CALN1: variants seen among roughly 807,000 people sequenced by gnomAD.
The protein encoded by CALN1 is calcium-binding protein 8.
A neutral mutation model predicts 30.6 loss-of-function variants in CALN1; 17 were observed. The ratio of observed to expected loss-of-function variants is 0.56; its 90% CI spans 0.38 to 0.83. The LOEUF (loss-of-function observed/expected upper bound fraction) is 0.83. Among genes scored for constraint, CALN1 ranks in the 40% least tolerant of loss-of-function variants. CALN1 has a pLI of 0.00. For synonymous variants in CALN1, 156 were observed against 131.4 expected (o/e 1.19, Z -1.28); for missense variants, 291 against 354.9 (o/e 0.82, Z 1.45).
In CALN1 at chr7:72,226,369, G is replaced by C. The variant is rs1793680290; in HGVS notation, c.244+52317C>G. Among the ~76,000 whole-genome samples the C allele has an allele frequency of 1.3e-5, 2 of 151,458 alleles. 1 individual carries two copies. The highest frequency in any genetic ancestry group is 4.2e-4 in the South Asian group (2 of 4,794). Reference sequence around the variant, plus strand: ...GAGGCTAACTCTGCCTACCTGGCAGGGGTGACATAATGACCCAATGCATAG... The same window carrying C: ...GAGGCTAACTCTGCCTACCTGGCAGCGGTGACATAATGACCCAATGCATAG... On this transcript the variant is annotated intron_variant, in intron 3 of 6. Coordinates refer to ENST00000395275, the MANE Select transcript of CALN1 (RefSeq NM_031468.4).
At chr7:72,365,197 C>T (rs1327449030) in intron 2 of CALN1, among the ~76,000 whole-genome samples, 3 of 151,952 alleles carry the variant, frequency 2.0e-5, no homozygotes, top group Non-Finnish European at 2.9e-5. Context: ...CCCACCTACT[C>T]GGGAGGCTGA....
intron 3 of CALN1, among the ~76,000 whole-genome samples, chr7:72,186,727 G>C (rs574817214): frequency 1.3e-5 from 2 of 152,142 alleles, no homozygotes; most frequent in Admixed American, 6.6e-5. Context: ...TTGTGTGGCT[G>C]CGAAGGACAT....
intron 3 of CALN1, among the ~76,000 whole-genome samples, chr7:72,220,793 G>A (rs528912248): frequency 8.0e-4 from 122 of 152,314 alleles, no homozygotes; most frequent in African/African-American, 2.9e-3. Flanking sequence ...CTGATGGCCA[G>A]TGATGATGAG....
At chr7:71,828,104 G>A (rs1442730772) in intron 5 of CALN1, among the ~76,000 whole-genome samples, 3 of 152,116 alleles carry the variant, frequency 2.0e-5, no homozygotes, top group Non-Finnish European at 4.4e-5. Context: ...TTATAGGTAT[G>A]GTTTTGGAGG....
intron 2 of CALN1, among the ~76,000 whole-genome samples, chr7:72,391,246 T>C (rs796778840): frequency 1.1e-4 from 16 of 152,278 alleles, no homozygotes; most frequent in African/African-American, 3.9e-4. Context: ...AAAGTGAAGC[T>C]GCAGAGGGCT....
At chr7:72,036,200 G>A (rs1801788379) in intron 4 of CALN1, among the ~76,000 whole-genome samples, 2 of 152,158 alleles carry the variant, frequency 1.3e-5, no homozygotes, top group South Asian at 2.1e-4. Context: ...AGTTTCTGGT[G>A]AGAAACATGC....
At chr7:71,891,651 C>T (rs930479406) in intron 5 of CALN1, among the ~76,000 whole-genome samples, 12 of 152,272 alleles carry the variant, frequency 7.9e-5, no homozygotes, top group South Asian at 6.2e-4. Context: ...TAGCATATAA[C>T]AAGTGCTATA....
intron 2 of CALN1, among the ~76,000 whole-genome samples, chr7:72,397,714 T>TCA (rs3138810): frequency 0.068 from 9,763 of 142,812 alleles, 313 homozygotes; most frequent in African/African-American, 0.092. Context: ...CCATTCTCTC[T>TCA]CACACACACA....
chr7:72,480,521 T>G, the CALN1 span, among the ~76,000 whole-genome samples: 1 of 152,182 alleles, frequency 6.6e-6, no homozygotes, highest in Non-Finnish European at 1.5e-5. Flanking sequence ...CTGGGAAATA[T>G]TCTCTCCCTT....
chr7:72,442,190 T>A (rs1284654566), intron 1 of CALN1, among the ~76,000 whole-genome samples: 1 of 152,246 alleles, frequency 6.6e-6, no homozygotes, highest in East Asian at 1.9e-4. Context: ...CTCACCTTGA[T>A]TAAATGTTCA....
rs1361177054 is a variant in CALN1 at position 72,430,594 on chromosome 7, GC to G, written c.-226+16447del. On this transcript the variant is annotated intron_variant, in intron 1 of 6. Coordinates refer to the CALN1 transcript ENST00000395276. Reference sequence around the variant, plus strand: ...AATATTCCCCTCAAGGGGCTTCTCAGCCTGCTCACACACAGGTGAATGTCAG... The same window carrying G: ...AATATTCCCCTCAAGGGGCTTCTCAGCTGCTCACACACAGGTGAATGTCAG... 3.9e-5 allele frequency among the ~76,000 whole-genome samples: 6 copies of G among 152,232 alleles called. No homozygotes were observed. In the East Asian group the frequency reaches 9.7e-4, roughly 25 times the overall value.
chr7:71,910,297 C>T (rs1209113122), intron 5 of CALN1, among the ~76,000 whole-genome samples: 2 of 152,178 alleles, frequency 1.3e-5, no homozygotes, highest in Non-Finnish European at 1.5e-5. Flanking sequence ...CTCTTAAAGG[C>T]TTCCATCCCC....
chr7:72,278,614 T>C (rs1488523828), intron 3 of CALN1, 72 bp downstream of exon 3: 48 of 1,579,036 alleles, frequency 3.0e-5, no homozygotes, highest in South Asian at 4.5e-5. Flanking sequence ...GGGCTTTCAA[T>C]TGAGCTTCAC....
At chr7:72,018,360 T>G (rs1251079118) in intron 5 of CALN1, among the ~76,000 whole-genome samples, 1 of 152,066 alleles carries the variant, frequency 6.6e-6, no homozygotes, top group Non-Finnish European at 1.5e-5. Flanking sequence ...GCTCAGTCCC[T>G]TCCTTCCCTC....
At position 71,935,261 on chromosome 7, in the gene CALN1, T is replaced by C. The variant is rs558273470; in HGVS notation, c.501+88396A>G. On this transcript the variant is annotated intron_variant, in intron 5 of 6. Coordinates refer to ENST00000395275, the MANE Select transcript of CALN1 (RefSeq NM_031468.4). Reference sequence around the variant, plus strand: ...CATTGGTGTGAATCTGGCAAAGGAGTTGTTTCAGCTCTTCCCAGAGCAGAC... The same window carrying C: ...CATTGGTGTGAATCTGGCAAAGGAGCTGTTTCAGCTCTTCCCAGAGCAGAC... Among the ~76,000 whole-genome samples, 24 of 151,816 alleles carry C rather than the reference T, an allele frequency of 1.6e-4. No homozygotes were observed. The South Asian group carries it at 3.1e-3, about 20-fold the overall frequency.
Position 72,093,380 on chromosome 7 carries a change from C to T in CALN1, c.388+12771G>A, listed in dbSNP as rs939778047. Among the ~76,000 whole-genome samples, 50 of 152,202 alleles carry T rather than the reference C, an allele frequency of 3.3e-4. 1 individual carries two copies. Among genetic ancestry groups the T allele is most frequent in the African/African-American group, 1.1e-3 (46 of 41,526 alleles). On this transcript the variant is annotated intron_variant, in intron 4 of 6. Transcript: ENST00000395275. ...ACGGTTTCTGCATTGAAGATGGCAC[C>T]GTACACTCGTACCAGGGAGAAAACA... is the stretch of plus-strand genomic sequence containing the variant.
At chr7:72,400,348 T>C (rs1040780471) in intron 2 of CALN1, among the ~76,000 whole-genome samples, 1 of 152,210 alleles carries the variant, frequency 6.6e-6, no homozygotes, top group East Asian at 1.9e-4. Context: ...ATTTAATCAC[T>C]GTCAAACAGA....
At chr7:72,201,748 A>T (rs1791443204) in intron 3 of CALN1, among the ~76,000 whole-genome samples, 1 of 150,534 alleles carries the variant, frequency 6.6e-6, no homozygotes, top group Admixed American at 6.6e-5. Flanking sequence ...AAAAAAAAAA[A>T]AAAAAAAAGC....
intron 4 of CALN1, among the ~76,000 whole-genome samples, chr7:72,089,076 T>C (rs921779302): frequency 1.3e-5 from 2 of 152,058 alleles, no homozygotes; most frequent in Non-Finnish European, 2.9e-5. Flanking sequence ...TCTAATATTA[T>C]TATAAAACTG....
Sources: gnomAD v4.1 joint callset for allele counts (sites outside exome capture counted in the v4.1 genomes callset) on GRCh38, gnomAD v4.1.1 for gene constraint, MANE v1.5 for transcripts, NCBI Gene and HGNC (gene_info 2026-07-23, HGNC 2026-07-21) for gene names.